Variants in PRUNE2 observed in about 807,000 individuals in gnomAD.
PRUNE2 encodes the protein protein prune homolog 2.
In PRUNE2, 164 loss-of-function variants were observed where a neutral mutation model predicts 252.0. The observed-to-expected ratio is 0.65, with a 90% CI of 0.57 to 0.74. PRUNE2 has a LOEUF of 0.74. Ranked by LOEUF, PRUNE2 falls within the 30% of genes least tolerant of loss-of-function variation. The pLI is 0.00. For missense variants in PRUNE2, 3,495 were observed against 3,711.0 expected (o/e 0.94, Z 1.51); for synonymous variants, 1,292 against 1,350.2 (o/e 0.96, Z 0.94).
chr9:76,691,940 C>G, intron 9 of PRUNE2: 1 of 633,930 alleles, frequency 1.6e-6, no homozygotes, highest in Non-Finnish European at 2.9e-6. Flanking sequence ...CAGAATTCGG[C>G]ATCCTCTCAT....
intron 18 of PRUNE2, among the ~76,000 whole-genome samples, chr9:76,618,428 G>A (rs1455852986): frequency 1.3e-5 from 2 of 152,204 alleles, no homozygotes; most frequent in Admixed American, 1.3e-4. Flanking sequence ...AGGAACAAGG[G>A]CAATGTTAAA....
intron 15 of PRUNE2, among the ~76,000 whole-genome samples, chr9:76,631,012 G>A (rs1183773874): frequency 6.6e-6 from 1 of 152,174 alleles, no homozygotes; most frequent in African/African-American, 2.4e-5. Flanking sequence ...TTTGAGGTGT[G>A]TCTTCTATCC....
chr9:76,817,577 G>A (rs1459569816), intron 6 of PRUNE2, among the ~76,000 whole-genome samples: 1 of 152,146 alleles, frequency 6.6e-6, no homozygotes, highest in Non-Finnish European at 1.5e-5. Context: ...TCTCCCTGTT[G>A]ACAGATAAAC....
intron 5 of PRUNE2, among the ~76,000 whole-genome samples, chr9:76,826,259 A>G (rs1307944824): frequency 6.6e-6 from 1 of 152,162 alleles, no homozygotes; most frequent in Non-Finnish European, 1.5e-5. Context: ...GGATGACTTG[A>G]GGCCAGGAGT....
At position 76,693,945 on chromosome 9, in the gene PRUNE2, C is replaced by T. The variant is rs910690090; in HGVS notation, c.8276+9392G>A. Among the ~76,000 whole-genome samples, 13 of 152,172 alleles carry T rather than the reference C, an allele frequency of 8.5e-5. No individual in the cohort carries two copies. The South Asian group carries it at 1.5e-3, about 17-fold the overall frequency. ...GTCACTTTGCAGGGTCACTGGCTGT[C>T]AGAGGTTCAGCAAAAGCATGGGTGA... is the stretch of plus-strand genomic sequence containing the variant. On this transcript the variant is annotated intron_variant, in intron 9 of 18. Coordinates refer to ENST00000376718, the MANE Select transcript of PRUNE2 (RefSeq NM_015225.3).
In PRUNE2 at chr9:76,703,960, T is replaced by C. The variant is rs1476170821; in HGVS notation, c.7653A>G (p.Ile2551Met). ...EDRHALHMDYILVNREENSHS... is the reference protein window; with the variant it reads ...EDRHALHMDYMLVNREENSHS... ...GTGAATTTTCTTCACGGTTTACAAGTATGTAATCCATGTGTAGTGCATGAC... is the reference window on the plus strand; with the variant it reads ...GTGAATTTTCTTCACGGTTTACAAGCATGTAATCCATGTGTAGTGCATGAC... Residue 2551 changes from isoleucine (I) to methionine (M), a missense_variant, in exon 9 of 19, where the codon ATA becomes ATG. Ile to Met is a conservative substitution (Grantham distance 10, BLOSUM62 1). Coordinates refer to ENST00000376718, the MANE Select transcript of PRUNE2 (RefSeq NM_015225.3). 4 of 1,613,846 alleles carry C rather than the reference T, an allele frequency of 2.5e-6. No individual in the cohort carries two copies. In the African/African-American group the frequency reaches 4.0e-5, roughly 16 times the overall value.
intron 6 of PRUNE2, among the ~76,000 whole-genome samples, chr9:76,765,027 T>C (rs73460250): frequency 0.07 from 10,612 of 152,232 alleles, 1,187 homozygotes; most frequent in African/African-American, 0.23. Context: ...AAATTTGAGA[T>C]ACCCATTAGA....
At chr9:76,634,565 T>C (rs574447206) in intron 15 of PRUNE2, among the ~76,000 whole-genome samples, 39 of 152,292 alleles carry the variant, frequency 2.6e-4, no homozygotes, top group Admixed American at 5.9e-4. Flanking sequence ...CATCACACTG[T>C]ACCCAAATAA....
chr9:76,638,618 G>A (rs1341578814), intron 12 of PRUNE2, among the ~76,000 whole-genome samples: 1 of 152,010 alleles, frequency 6.6e-6, no homozygotes, highest in Non-Finnish European at 1.5e-5. Context: ...AAATGAGAGG[G>A]GGCAAGACTG....
chr9:76,868,849 C>CG (rs1168086801), intron 1 of PRUNE2: 7 of 30,388 alleles, frequency 2.3e-4, no homozygotes, highest in African/African-American at 5.8e-4. Flanking sequence ...GGGGGGGGGG[C>CG]GGGGGGGAAG....
At chr9:76,616,835 G>C (rs1324769818) in intron 18 of PRUNE2, among the ~76,000 whole-genome samples, 3 of 152,038 alleles carry the variant, frequency 2.0e-5, no homozygotes, top group African/African-American at 7.3e-5. Context: ...AGCCACTCTT[G>C]ATCACTGTAC....
intron 6 of PRUNE2, among the ~76,000 whole-genome samples, chr9:76,791,662 T>C (rs1343198756): frequency 6.6e-6 from 1 of 152,208 alleles, no homozygotes; most frequent in African/African-American, 2.4e-5. Context: ...CCAATAATAC[T>C]GACTTCCTGA....
intron 9 of PRUNE2, among the ~76,000 whole-genome samples, chr9:76,655,983 G>T (rs1849055303): frequency 6.6e-6 from 1 of 152,152 alleles, no homozygotes; most frequent in Non-Finnish European, 1.5e-5. Context: ...TCACCACGTT[G>T]TTTAAAGATT....
chr9:76,806,346 C>T (rs899831373), intron 6 of PRUNE2, among the ~76,000 whole-genome samples: 1 of 152,128 alleles, frequency 6.6e-6, no homozygotes, highest in Non-Finnish European at 1.5e-5. Flanking sequence ...TCAGTTTGCA[C>T]TTGAAAAATG....
Position 76,877,505 on chromosome 9 carries a change from C to T in PRUNE2, c.37-23297G>A, listed in dbSNP as rs116736661. ...GAGACCCTGTCTCAATTAAAACACA[C>T]ACACACACACACACAAAGGAACAGC... On this transcript the variant is annotated intron_variant, in intron 1 of 18. Coordinates refer to ENST00000376718, the MANE Select transcript of PRUNE2 (RefSeq NM_015225.3). Among the ~76,000 whole-genome samples, 1,398 of 152,102 alleles carry T rather than the reference C, an allele frequency of 9.2e-3. 22 individuals are homozygous for T. The highest frequency in any genetic ancestry group is 0.032 in the African/African-American group (1,326 of 41,464).
At chr9:76,684,524 G>A (rs1009297378) in intron 9 of PRUNE2, among the ~76,000 whole-genome samples, 4 of 152,148 alleles carry the variant, frequency 2.6e-5, no homozygotes, top group South Asian at 2.1e-4. Context: ...CTACCTCTTC[G>A]CAGTGGCAAA....
intron 9 of PRUNE2, among the ~76,000 whole-genome samples, chr9:76,666,146 G>A (rs1041744327): frequency 1.3e-5 from 2 of 152,188 alleles, no homozygotes; most frequent in Non-Finnish European, 2.9e-5. Context: ...GCCACCAGAG[G>A]GCTCCTTGGT....
intron 6 of PRUNE2, among the ~76,000 whole-genome samples, chr9:76,754,264 G>A (rs1268390654): frequency 6.6e-6 from 1 of 152,114 alleles, no homozygotes; most frequent in Non-Finnish European, 1.5e-5. Flanking sequence ...CTAATTTGTG[G>A]GAGTGGGGGT....
intron 11 of PRUNE2, among the ~76,000 whole-genome samples, chr9:76,649,870 T>C (rs1344712858): frequency 1.3e-5 from 2 of 152,034 alleles, no homozygotes; most frequent in Admixed American, 1.3e-4. Flanking sequence ...AGGTGTTTGG[T>C]CATCAGCTAC....
Sources: gnomAD v4.1 joint callset for allele counts (sites outside exome capture counted in the v4.1 genomes callset) on GRCh38, gnomAD v4.1.1 for gene constraint, MANE v1.5 for transcripts, NCBI Gene and HGNC (gene_info 2026-07-23, HGNC 2026-07-21) for gene names.